SVIL: variants seen among roughly 807,000 people sequenced by gnomAD.
SVIL encodes the protein archvillin.
A neutral mutation model predicts 240.4 loss-of-function variants in SVIL; 101 were observed. The ratio of observed to expected loss-of-function variants is 0.42; its 90% CI spans 0.36 to 0.50. The LOEUF is 0.50. SVIL is among the 20% of genes least tolerant of loss of function. The probability of loss-of-function intolerance (pLI) is 0.01; values close to 1 mark genes in which losing one functional copy is unlikely to be tolerated. For missense variants in SVIL, 2,512 were observed against 2,818.7 expected, an observed-to-expected ratio of 0.89 and a Z score of 2.46; for synonymous variants, 999 against 1,100.0, an observed-to-expected ratio of 0.91 and a Z score of 1.82.
chr10:29,462,802 C>T (rs886380070), intron 35 of SVIL, among the ~76,000 whole-genome samples: 1 of 152,212 alleles, frequency 6.6e-6, no homozygotes, highest in Admixed American at 6.5e-5. Context: ...TATACATCCA[C>T]ATTCACTATA....
rs1223111440 is a variant in SVIL, at chr10:29,491,723, C to T, written c.4020-704G>A. On this transcript the variant is annotated intron_variant, in intron 21 of 37. Coordinates refer to ENST00000355867, the MANE Select transcript of SVIL (RefSeq NM_021738.3). ...TCCTGCTGCCACTCTCCACCTCCAG[C>T]TGCGCGGGCCTCTGTGCCCAAAAGG... Among the ~76,000 whole-genome samples the T allele has an allele frequency of 7.9e-5, 12 of 152,188 alleles. 1 individual carries two copies. Among genetic ancestry groups the T allele is most frequent in the Admixed American group, 7.9e-4 (12 of 15,282 alleles).
chr10:29,485,244 G>A (rs3858232), intron 26 of SVIL, among the ~76,000 whole-genome samples: 70,120 of 149,970 alleles, frequency 0.47, 17,960 homozygotes, highest in African/African-American at 0.67. Flanking sequence ...TCATGGTCCA[G>A]TGGTGTCTTC....
At chr10:29,712,738 T>C (rs573447446) in intron 1 of SVIL, among the ~76,000 whole-genome samples, 3 of 152,076 alleles carry the variant, frequency 2.0e-5, no homozygotes, top group Non-Finnish European at 4.4e-5. Context: ...AATAAAGACA[T>C]AGCTGAGAAA....
chr10:29,718,146 T>TA (rs1963743294), intron 1 of SVIL, among the ~76,000 whole-genome samples: 4 of 151,942 alleles, frequency 2.6e-5, no homozygotes, highest in Non-Finnish European at 5.9e-5. Flanking sequence ...GCTAACATGG[T>TA]GAAATCCCGT....
At chr10:29,503,060 A>G (rs1949025166) in intron 17 of SVIL, among the ~76,000 whole-genome samples, 1 of 152,226 alleles carries the variant, frequency 6.6e-6, no homozygotes, top group Admixed American at 6.5e-5. Context: ...ACATGTAGTT[A>G]AACTGTAAAG....
rs28451028 is a variant in SVIL at position 29,484,722 on chromosome 10, G to C, written c.4889C>G (p.Thr1630Ser). Residue 1630 changes from threonine (T) to serine (S), a missense_variant, in exon 27 of 38, where the codon ACC (threonine) becomes AGC (serine). Transcript: ENST00000355867. The surrounding 1 kb of genome is among the most constrained non-coding windows in gnomAD (Gnocchi z 4.7). ...FQLAKHLWNG[T>S]FDYENCDINP... ...GATGTCACAGTTCTCATAGTCAAAG[G>C]TTCCATTCCATAAGTGCTTTGCCAG... 2.4e-3 allele frequency: 3,807 copies of C among 1,613,956 alleles called. 85 individuals are homozygous for C. The African/African-American group carries it at 0.044, about 18-fold the overall frequency.
chr10:29,717,185 A>T (rs1160947049), intron 1 of SVIL, among the ~76,000 whole-genome samples: 1 of 139,990 alleles, frequency 7.1e-6, no homozygotes, highest in Non-Finnish European at 1.5e-5. Flanking sequence ...GTGAGCCGAG[A>T]TCACGCCACT....
At chr10:29,690,841 A>G (rs1182835692) in intron 1 of SVIL, among the ~76,000 whole-genome samples, 5 of 152,192 alleles carry the variant, frequency 3.3e-5, no homozygotes, top group African/African-American at 1.2e-4. Context: ...ATCATCTGCA[A>G]TTATCTGGGG....
chr10:29,704,720 A>G (rs911213366), intron 1 of SVIL, among the ~76,000 whole-genome samples: 3 of 152,118 alleles, frequency 2.0e-5, no homozygotes, highest in Admixed American at 2.0e-4. Flanking sequence ...ACTGAATTCT[A>G]CACTTGACCC....
intron 1 of SVIL, among the ~76,000 whole-genome samples, chr10:29,595,497 G>A (rs1956548935): frequency 6.6e-6 from 1 of 152,140 alleles, no homozygotes; most frequent in African/African-American, 2.4e-5. Flanking sequence ...TACAAAAGAT[G>A]GTGAAATAGG....
At chr10:29,602,567 G>T (rs1478991981) in intron 1 of SVIL, among the ~76,000 whole-genome samples, 2 of 152,204 alleles carry the variant, frequency 1.3e-5, no homozygotes, top group African/African-American at 4.8e-5. Context: ...GGCCTTCTAT[G>T]AAAATCTATA....
chr10:29,532,520 A>G lies in SVIL; in HGVS notation c.1838+9T>C. ...GACACAGCTGGAGGGCGTGTGAAGCATCACCTACAGTTCAGGTCTCCTGCA... is the reference window on the plus strand; with the variant it reads ...GACACAGCTGGAGGGCGTGTGAAGCGTCACCTACAGTTCAGGTCTCCTGCA... On this transcript the variant is annotated intron_variant, in intron 8 of 37. Transcript: ENST00000355867. The G allele has an allele frequency of 6.3e-7, 1 of 1,598,822 alleles. No homozygotes were observed. The highest frequency in any genetic ancestry group is 8.6e-7 in the Non-Finnish European group (1 of 1,169,320).
chr10:29,634,369 A>G (rs1958228866), intron 1 of SVIL, 51 bp downstream of exon 1: 1 of 152,058 alleles, frequency 6.6e-6, no homozygotes, highest in Non-Finnish European at 1.5e-5. Flanking sequence ...AAACAAAAAC[A>G]ACAAAAAAAA....
chr10:29,510,411 T>C (rs1023279511), intron 17 of SVIL, among the ~76,000 whole-genome samples: 1 of 151,786 alleles, frequency 6.6e-6, no homozygotes, highest in Non-Finnish European at 1.5e-5. Flanking sequence ...ACTTCTATGT[T>C]GCACGTGTTT....
chr10:29,481,653 C>G lies in SVIL; in HGVS notation c.5031G>C (p.Glu1677Asp). The G allele has an allele frequency of 6.2e-7, 1 of 1,614,092 alleles. No individual in the cohort carries two copies. Among genetic ancestry groups the G allele is most frequent in the Non-Finnish European group, 8.5e-7 (1 of 1,180,032 alleles). Residue 1677 changes from glutamate (E) to aspartate (D), a missense_variant, in exon 28 of 38, where the codon GAG becomes GAC. Transcript: ENST00000355867. The stretch of plus-strand genomic sequence containing the variant: ...TCAGTTCCGTCCAATCCAGAAACTT[C>G]TCTTTGAACAAAATCGTCTCATTGT... ...TEHNETILFK[E>D]KFLDWTELKR...
intron 8 of SVIL, 77 bp downstream of exon 8, chr10:29,532,452 A>T: frequency 6.6e-7 from 1 of 1,524,494 alleles, no homozygotes; most frequent in Non-Finnish European, 8.8e-7. Flanking sequence ...GCAGAACACA[A>T]CACAGGTCGA....
At chr10:29,620,432 C>T (rs562141870) in intron 1 of SVIL, among the ~76,000 whole-genome samples, 3 of 152,120 alleles carry the variant, frequency 2.0e-5, no homozygotes, top group Non-Finnish European at 4.4e-5. Flanking sequence ...AATATTCACC[C>T]ACCCTCTGAC....
chr10:29,736,371 C>T (rs550505578), upstream of SVIL, among the ~76,000 whole-genome samples: 5 of 152,378 alleles, frequency 3.3e-5, no homozygotes, highest in East Asian at 9.7e-4. Flanking sequence ...TCACGCCCCC[C>T]CGGTCCCAGG....
Position 29,458,268 on chromosome 10 carries a change from C to A in SVIL, c.6624G>T (p.Lys2208Asn). ...CCACTCAGAACAGGCCTTTTGCTTT[C>A]TTCAGGTTCACCTGCTTCCAGGCGG... Reference protein sequence around the residue: ...ALPAWKQVNLKKAKGLF With the variant: ...ALPAWKQVNLNKAKGLF Residue 2208 changes from lysine to asparagine, a missense_variant, in exon 38 of 38, where the codon AAG (lysine) becomes AAT (asparagine). By Grantham distance (94) the Lys-to-Asn change is moderately conservative (BLOSUM62 0). This residue lies in a region of SVIL where 797 missense variants were observed against 925.3 expected (regional missense o/e 0.86). Coordinates refer to ENST00000355867, the MANE Select transcript of SVIL (RefSeq NM_021738.3). The A allele has an allele frequency of 6.2e-7, 1 of 1,614,228 alleles. No individual in the cohort carries two copies. The highest frequency in any genetic ancestry group is 8.5e-7 in the Non-Finnish European group (1 of 1,180,040).
Sources: gnomAD v4.1 joint callset for allele counts (sites outside exome capture counted in the v4.1 genomes callset) on GRCh38, gnomAD v4.1.1 for gene constraint, gnomAD v4.1.1 regional missense constraint, Gnocchi (gnomAD v3.1) non-coding constraint, MANE v1.5 for transcripts, NCBI Gene and HGNC (gene_info 2026-07-23, HGNC 2026-07-21) for gene names.